Variants in KCNG3 observed in about 807,000 individuals in gnomAD.
KCNG3 encodes the protein voltage-gated potassium channel regulatory subunit KCNG3.
In KCNG3, 15 loss-of-function variants were observed where a neutral mutation model predicts 29.0. The observed-to-expected ratio is 0.52, with a 90% CI of 0.35 to 0.80. The LOEUF is 0.80. KCNG3 is among the 30% of genes least tolerant of loss of function. The pLI, the probability that KCNG3 is intolerant of heterozygous loss-of-function variation, is 0.01. For synonymous variants in KCNG3, 322 were observed against 248.9 expected (o/e 1.29, Z -2.76); for missense variants, 512 against 605.7 (o/e 0.85, Z 1.62).
At chr2:42,485,680 C>A (rs1273839529) in intron 1 of KCNG3, among the ~76,000 whole-genome samples, 1 of 152,146 alleles carries the variant, frequency 6.6e-6, no homozygotes, top group Non-Finnish European at 1.5e-5. Context: ...GATCTCCTGA[C>A]CTCGTGATCC....
the KCNG3 span, among the ~76,000 whole-genome samples, chr2:42,422,552 G>T: frequency 3.9e-5 from 6 of 151,968 alleles, no homozygotes; most frequent in East Asian, 9.7e-4. Context: ...GTGTGGTAAT[G>T]TATTTCAAAA....
At chr2:42,424,178 A>T in the KCNG3 span, among the ~76,000 whole-genome samples, 2 of 152,196 alleles carry the variant, frequency 1.3e-5, no homozygotes, top group African/African-American at 4.8e-5. Flanking sequence ...ACACCAAAAA[A>T]TTCCTTGGCC....
At chr2:42,468,933 G>A (rs866578664) in intron 1 of KCNG3, among the ~76,000 whole-genome samples, 8 of 121,878 alleles carry the variant, frequency 6.6e-5, no homozygotes, top group Non-Finnish European at 9.6e-5. Flanking sequence ...CAGCCTGGGC[G>A]ACACAGCAAG....
chr2:42,409,333 G>A, the KCNG3 span, among the ~76,000 whole-genome samples: 1 of 152,032 alleles, frequency 6.6e-6, no homozygotes, highest in African/African-American at 2.4e-5. Context: ...TGGAAATACA[G>A]GCATGAGCCA....
At chr2:42,470,086 T>G (rs1377286290) in intron 1 of KCNG3, 1 of 488,476 alleles carries the variant, frequency 2.0e-6, no homozygotes, top group African/African-American at 2.0e-5. Context: ...ACCATTTAAT[T>G]AAGAAAGCAG....
chr2:42,493,574 C>G lies in KCNG3; in HGVS notation c.-73G>C. 8.1e-7 allele frequency: 1 copy of G among 1,239,882 alleles called. No individual in the cohort carries two copies. The highest frequency in any genetic ancestry group is 1.0e-6 in the Non-Finnish European group (1 of 989,948). 76.8% of individuals were successfully genotyped at this position (1,239,882 alleles called of 1,614,324 possible). A position where few individuals can be genotyped will look rare whatever the true frequency, so the allele number is the denominator to read the frequency against. The stretch of plus-strand genomic sequence containing the variant: ...CCCACCCCAAGCCGCCACGCGGGGC[C>G]TGCCTGCCCGTGGCTGACGGGGGAG... On this transcript the variant is annotated 5_prime_UTR_variant, in exon 1 of 2. Transcript: ENST00000306078.
At chr2:42,477,932 G>A (rs1245972045) in intron 1 of KCNG3, among the ~76,000 whole-genome samples, 1 of 151,898 alleles carries the variant, frequency 6.6e-6, no homozygotes, top group East Asian at 1.9e-4. Context: ...ATCCCACAGG[G>A]TTTTATACCC....
rs550392824 is a variant in KCNG3 at position 42,469,768 on chromosome 2, T to C, written c.665+23069A>G. The stretch of plus-strand genomic sequence containing the variant: ...CATAAAGAAAAATTTGATAAATTTG[T>C]CTGTTAAAATGTACAGCTTCTTCCT... On this transcript the variant is annotated intron_variant, in intron 1 of 1. Coordinates refer to ENST00000306078, the MANE Select transcript of KCNG3 (RefSeq NM_133329.6). 1.2e-3 allele frequency: 202 copies of C among 165,860 alleles called. 1 individual carries two copies. The highest frequency in any genetic ancestry group is 4.6e-3 in the African/African-American group (196 of 42,232). The allele number at this position is 165,860 out of a possible 1,614,324, so 10.3% of individuals were successfully genotyped here.
At chr2:42,416,559 T>C in the KCNG3 span, among the ~76,000 whole-genome samples, 1 of 152,178 alleles carries the variant, frequency 6.6e-6, no homozygotes, top group Non-Finnish European at 1.5e-5. Context: ...CTGGGCACGG[T>C]GGCTCACGCC....
chr2:42,437,802 T>A (rs1558369888), downstream of KCNG3, among the ~76,000 whole-genome samples: 1 of 151,658 alleles, frequency 6.6e-6, no homozygotes, highest in Non-Finnish European at 1.5e-5. Flanking sequence ...GCAGGGCATG[T>A]TGGTGGGCGC....
rs750511660 is a variant in KCNG3, at chr2:42,493,149, T to C, written c.353A>G (p.Asp118Gly). ...GAAGGTGTAGGTGTCGGACATGCGG[T>C]CGTCGAGGCGGCGCTGGCAGCAGTA... is the stretch of plus-strand genomic sequence containing the variant. ...LEYCCQRRLD[D>G]RMSDTYTFYS... Residue 118 changes from aspartate to glycine, a missense_variant, in exon 1 of 2, where the codon GAC becomes GGC. Physicochemically the swap from Asp to Gly is moderately conservative, Grantham distance 94. Coordinates refer to ENST00000306078, the MANE Select transcript of KCNG3 (RefSeq NM_133329.6). The C allele has an allele frequency of 6.2e-7, 1 of 1,605,696 alleles. No individual in the cohort carries two copies. The highest frequency in any genetic ancestry group is 8.5e-7 in the Non-Finnish European group (1 of 1,179,160).
chr2:42,490,252 T>C (rs1450255777), intron 1 of KCNG3, among the ~76,000 whole-genome samples: 1 of 152,096 alleles, frequency 6.6e-6, no homozygotes, highest in Non-Finnish European at 1.5e-5. Context: ...CATATGGTTG[T>C]ACAGGTTGCA....
At chr2:42,474,698 T>C (rs1259709461) in intron 1 of KCNG3, among the ~76,000 whole-genome samples, 2 of 152,244 alleles carry the variant, frequency 1.3e-5, no homozygotes, top group African/African-American at 4.8e-5. Flanking sequence ...TTTGCCCTGA[T>C]ATATTTTTTA....
chr2:42,488,706 C>T (rs1215569420), intron 1 of KCNG3, among the ~76,000 whole-genome samples: 2 of 152,014 alleles, frequency 1.3e-5, no homozygotes, highest in African/African-American at 4.8e-5. Flanking sequence ...CCCACCACCA[C>T]GCTCAGCTAA....
At chr2:42,418,758 C>A in the KCNG3 span, among the ~76,000 whole-genome samples, 1 of 152,002 alleles carries the variant, frequency 6.6e-6, no homozygotes, top group Non-Finnish European at 1.5e-5. Context: ...TTAGGAAAAA[C>A]CTAGGGAGGC....
the KCNG3 span, among the ~76,000 whole-genome samples, chr2:42,390,122 G>A: frequency 1.3e-5 from 2 of 152,126 alleles, no homozygotes; most frequent in Non-Finnish European, 2.9e-5. Flanking sequence ...ATGTCATGCA[G>A]GAAACATTTA....
the KCNG3 span, among the ~76,000 whole-genome samples, chr2:42,432,036 CA>C: frequency 0.012 from 1,406 of 113,622 alleles, 14 homozygotes; most frequent in African/African-American, 0.033. Context: ...AAGACTCTAT[CA>C]AAAAAAAAAA....
the KCNG3 span, among the ~76,000 whole-genome samples, chr2:42,402,105 G>C: frequency 6.6e-6 from 1 of 152,262 alleles, no homozygotes; most frequent in East Asian, 1.9e-4. Context: ...CATCTAATCT[G>C]CTGAGAAACT....
the KCNG3 span, among the ~76,000 whole-genome samples, chr2:42,427,912 G>A: frequency 6.6e-6 from 1 of 151,980 alleles, no homozygotes; most frequent in Non-Finnish European, 1.5e-5. Flanking sequence ...AGGTCATTTG[G>A]TACATTAACA....
Sources: allele counts gnomAD v4.1 joint callset (sites outside exome capture counted in the v4.1 genomes callset), GRCh38; gene constraint gnomAD v4.1.1; transcripts MANE v1.5; gene names NCBI Gene and HGNC (gene_info 2026-07-23, HGNC 2026-07-21).